The following TSPAN4 variants were observed in gnomAD, a reference collection of about 807,000 sequenced individuals.
The protein encoded by TSPAN4 is tetraspanin-4.
Under a neutral mutation model 31.5 loss-of-function variants are expected in TSPAN4, and 38 were observed. That is an observed-to-expected ratio of 1.21 (90% CI 0.93 to 1.58). The LOEUF (loss-of-function observed/expected upper bound fraction) is 1.58, where lower values mean the gene tolerates loss of function less well. TSPAN4 is among the 40% of genes most tolerant of loss of function. TSPAN4 has a pLI of 0.00. For synonymous variants in TSPAN4, 186 were observed against 144.6 expected (o/e 1.29, Z -2.06); for missense variants, 330 against 317.3 (o/e 1.04, Z -0.30).
rs527480594 is a variant in TSPAN4 at position 849,219 on chromosome 11, A to AG, written c.-17-1062dup. ...AGCCTCCTGCGGGGCTGCCTGGTGG[A>AG]GGGGGGGTGGGTATCTCAGGAATCA... On this transcript the variant is annotated intron_variant, in intron 2 of 8. Transcript: ENST00000397397. Among the ~76,000 whole-genome samples the AG allele has an allele frequency of 1.3e-3, 188 of 149,346 alleles. 1 individual carries two copies. The highest frequency in any genetic ancestry group is 0.011 in the East Asian group (55 of 4,934).
intron 3 of TSPAN4, chr11:862,332 G>A: frequency 1.8e-6 from 1 of 563,036 alleles, no homozygotes; most frequent in Admixed American, 3.4e-5. Context: ...CATGGAGTGT[G>A]GGTTTGGGGA....
intron 3 of TSPAN4, among the ~76,000 whole-genome samples, chr11:853,534 G>T (rs1565135146): frequency 1.3e-5 from 2 of 152,114 alleles, no homozygotes; most frequent in African/African-American, 2.4e-5. Flanking sequence ...TCTTTGCTGG[G>T]GTCTGGGAGG....
At chr11:865,442 G>A (rs1848713723) in intron 5 of TSPAN4, 71 bp from the exon 6 acceptor site, 12 of 1,291,320 alleles carry the variant, frequency 9.3e-6, no homozygotes, top group Admixed American at 1.9e-5. Context: ...CTTAGGGGCC[G>A]GCGAGGGGGT....
chr11:866,072 A>G, intron 8 of TSPAN4, 71 bp downstream of exon 8: 1 of 1,530,938 alleles, frequency 6.5e-7, no homozygotes, highest in Non-Finnish European at 8.9e-7. Flanking sequence ...GGAACAAAGT[A>G]GCAAAGACCT....
At chr11:862,260 T>G (rs1183991412) in intron 3 of TSPAN4, 2 of 415,702 alleles carry the variant, frequency 4.8e-6, no homozygotes, top group African/African-American at 2.1e-5. Flanking sequence ...AGGCCAGGGG[T>G]TGGGCGGATC....
intron 8 of TSPAN4, 110 bp downstream of exon 8, chr11:866,111 G>T (rs879487454): frequency 5.7e-6 from 7 of 1,232,774 alleles, no homozygotes; most frequent in Non-Finnish European, 8.0e-6. Context: ...ATCGGGGGAG[G>T]CCGGGGCAAA....
rs1848862034 is a variant in TSPAN4 at position 866,568 on chromosome 11, G to A, written c.655G>A (p.Gly219Ser). The A allele has an allele frequency of 1.2e-6, 2 of 1,613,186 alleles. No individual in the cohort carries two copies. The highest frequency in any genetic ancestry group is 1.7e-6 in the Non-Finnish European group (2 of 1,179,772). Residue 219 changes from glycine to serine, a missense_variant, in exon 9 of 9, where the codon GGC becomes AGC. By Grantham distance (56) the Gly-to-Ser change is moderately conservative. Transcript: ENST00000397397. Reference sequence around the variant, plus strand: ...CCTCCTCCCCTACCTACAGATCCTGGGCCTGACCTTCGCCATGACCATGTA... The same window carrying A: ...CCTCCTCCCCTACCTACAGATCCTGAGCCTGACCTTCGCCATGACCATGTA... ...GLCTALVQIL[G>S]LTFAMTMYCQ... is the part of the protein sequence containing the mutation.
chr11:862,799 TG>T, intron 4 of TSPAN4, 58 bp downstream of exon 4: 1 of 1,501,802 alleles, frequency 6.7e-7, no homozygotes, highest in Non-Finnish European at 8.9e-7. Context: ...GGGGCTCCGG[TG>T]GCCCCCAGGC....
At position 856,163 on chromosome 11, in the gene TSPAN4, C is replaced by T. The variant is rs375285119; in HGVS notation, c.63+5796C>T. 3.3e-5 allele frequency among the ~76,000 whole-genome samples: 5 copies of T among 149,618 alleles called. No homozygotes were observed. The East Asian group carries it at 8.5e-4, about 25-fold the overall frequency. ...CTCAGCAGCACCTGCACACGCCCAG[C>T]GCTGGGGGACGGCCCCCCGAGCCTC... On this transcript the variant is annotated intron_variant, in intron 3 of 8. Coordinates refer to ENST00000397397, the MANE Select transcript of TSPAN4 (RefSeq NM_003271.5).
intron 3 of TSPAN4, among the ~76,000 whole-genome samples, chr11:850,569 T>A (rs1213887042): frequency 1.3e-5 from 2 of 152,010 alleles, no homozygotes; most frequent in Non-Finnish European, 2.9e-5. Flanking sequence ...CATCGCGGGG[T>A]CCGCCCCCTG....
intron 3 of TSPAN4, among the ~76,000 whole-genome samples, chr11:855,186 C>G (rs115593645): frequency 0.011 from 1,750 of 152,226 alleles, 26 homozygotes; most frequent in African/African-American, 0.039. Flanking sequence ...GCAGGCAGGC[C>G]GGGCCTCTGT....
chr11:865,317 C>T (rs1848707748), intron 5 of TSPAN4, 196 bp from the exon 6 acceptor site: 3 of 591,056 alleles, frequency 5.1e-6, no homozygotes, highest in Middle Eastern at 4.5e-4. Context: ...GGAGGAAGCC[C>T]AGAGGTGGGG....
At chr11:854,052 C>T (rs1428334735) in intron 3 of TSPAN4, among the ~76,000 whole-genome samples, 2 of 152,144 alleles carry the variant, frequency 1.3e-5, no homozygotes, top group Non-Finnish European at 2.9e-5. Context: ...CTGCTGCCAG[C>T]GACACTCTTC....
intron 4 of TSPAN4, chr11:864,119 G>T (rs967980294): frequency 1.8e-5 from 8 of 454,846 alleles, no homozygotes; most frequent in African/African-American, 1.2e-4. Flanking sequence ...CAGGGGCTGG[G>T]GCCTCAGGAA....
chr11:855,394 G>C (rs1170774635), intron 3 of TSPAN4, among the ~76,000 whole-genome samples: 1 of 152,232 alleles, frequency 6.6e-6, no homozygotes, highest in Non-Finnish European at 1.5e-5. Context: ...TTCCCACGCA[G>C]CCCTGCTGCA....
Position 866,611 on chromosome 11 carries a change from C to G in TSPAN4, c.698C>G (p.Ala233Gly), listed in dbSNP as rs1167549807. 11 of 1,613,142 alleles carry G rather than the reference C, an allele frequency of 6.8e-6. No homozygotes were observed. The highest frequency in any genetic ancestry group is 9.3e-6 in the Non-Finnish European group (11 of 1,179,786). ...AMTMYCQVVK[A>G]DTYCA The stretch of plus-strand genomic sequence containing the variant: ...ACCATGTACTGCCAAGTGGTCAAGG[C>G]AGACACCTACTGCGCGTAGGCCGCC... Residue 233 changes from alanine to glycine, a missense_variant, in exon 9 of 9, where the codon GCA becomes GGA. By Grantham distance (60) the Ala-to-Gly change is moderately conservative (BLOSUM62 0). Transcript: ENST00000397397.
rs779471581 is a variant in TSPAN4 at position 864,466 on chromosome 11, G to A, written c.285G>A (p.Leu95=). Residue 95 remains leucine, a synonymous_variant, in exon 5 of 9, where the codon CTG becomes CTA. Transcript: ENST00000397397. Reference sequence around the variant, plus strand: ...TCCTGCTGCTGCTGCTGGTGTTCCTGCTGGAGGCCACCATCGCCATCCTCT... The same window carrying A: ...TCCTGCTGCTGCTGCTGGTGTTCCTACTGGAGGCCACCATCGCCATCCTCT... The part of the protein sequence containing the change: ...TFFLLLLLVF[L]LEATIAILFF... 3.7e-6 allele frequency: 6 copies of A among 1,612,674 alleles called. No homozygotes were observed. The highest frequency in any genetic ancestry group is 4.2e-6 in the Non-Finnish European group (5 of 1,179,966).
chr11:859,141 C>T (rs1490813902), intron 3 of TSPAN4, among the ~76,000 whole-genome samples: 1 of 133,684 alleles, frequency 7.5e-6, no homozygotes, highest in East Asian at 2.5e-4. Flanking sequence ...CACCCCTGGG[C>T]TCACATGCAC....
At position 852,891 on chromosome 11, in the gene TSPAN4, T is replaced by A. The variant is rs547212414; in HGVS notation, c.63+2524T>A. 1.2e-3 allele frequency among the ~76,000 whole-genome samples: 68 copies of A among 56,106 alleles called. No homozygotes were observed. The East Asian group carries it at 0.019, about 15-fold the overall frequency. The allele number at this position is 56,106 out of a possible 152,430, so 36.8% of individuals were successfully genotyped here. A position where few individuals can be genotyped will look rare whatever the true frequency, so the allele number is the denominator to read the frequency against. On this transcript the variant is annotated intron_variant, in intron 3 of 8. Coordinates refer to ENST00000397397, the MANE Select transcript of TSPAN4 (RefSeq NM_003271.5). ...CGGGACCTCAAGATCCCCGCGTGTG[T>A]CTGTCCTGACCCCCCGCTGCCGGAG... is the stretch of plus-strand genomic sequence containing the variant.
Sources: allele counts gnomAD v4.1 joint callset (sites outside exome capture counted in the v4.1 genomes callset), GRCh38; gene constraint gnomAD v4.1.1; transcripts MANE v1.5; gene names NCBI Gene and HGNC (gene_info 2026-07-23, HGNC 2026-07-21).